The following AVEN variants were observed in gnomAD, a reference collection of about 807,000 sequenced individuals.
AVEN encodes cell death regulator Aven.
Under a neutral mutation model 38.1 loss-of-function variants are expected in AVEN, and 41 were observed. That is an observed-to-expected ratio of 1.08 (90% confidence interval 0.84 to 1.40). The LOEUF is 1.40. Ranked by LOEUF, AVEN falls within the 40% of genes most tolerant of loss-of-function variation. AVEN has a pLI of 0.00. For synonymous variants in AVEN, 206 were observed against 171.8 expected (o/e 1.20, Z -1.56); for missense variants, 605 against 438.8 (o/e 1.38, Z -3.38).
chr15:33,862,876 C>T (rs1888909506), downstream of AVEN, among the ~76,000 whole-genome samples: 1 of 152,208 alleles, frequency 6.6e-6, no homozygotes. Flanking sequence ...CTCAGCCTCC[C>T]AAAGTGCTGG....
chr15:33,869,061 T>A (rs1890824793), intron 4 of AVEN, among the ~76,000 whole-genome samples: 1 of 152,106 alleles, frequency 6.6e-6, no homozygotes, highest in East Asian at 1.9e-4. Flanking sequence ...TACATAAACA[T>A]CCTGAGCAGA....
chr15:33,927,664 T>C (rs1567417515), intron 2 of AVEN, among the ~76,000 whole-genome samples: 1 of 152,118 alleles, frequency 6.6e-6, no homozygotes, highest in Non-Finnish European at 1.5e-5. Flanking sequence ...CATGTTTCTG[T>C]AGAATTTGGA....
intron 2 of AVEN, among the ~76,000 whole-genome samples, chr15:34,067,639 G>A (rs574835582): frequency 6.6e-5 from 10 of 152,254 alleles, no homozygotes; most frequent in African/African-American, 2.2e-4. Flanking sequence ...TTCCCTCTAA[G>A]TTACCAATGA....
At chr15:33,956,841 C>T (rs192799676) in intron 2 of AVEN, among the ~76,000 whole-genome samples, 5 of 152,292 alleles carry the variant, frequency 3.3e-5, no homozygotes, top group Admixed American at 3.3e-4. Flanking sequence ...CATCCTGATA[C>T]GAGGTTTGAA....
chr15:33,978,663 A>AAAAT (rs1211263683), intron 2 of AVEN, among the ~76,000 whole-genome samples: 34 of 152,080 alleles, frequency 2.2e-4, no homozygotes, highest in South Asian at 4.2e-4. Flanking sequence ...ACTCTGTTTC[A>AAAAT]AAATAAATAA....
chr15:34,044,662 A>G (rs1899618949), intron 5 of AVEN, among the ~76,000 whole-genome samples: 1 of 152,182 alleles, frequency 6.6e-6, no homozygotes, highest in Non-Finnish European at 1.5e-5. Context: ...AGCCAACCCC[A>G]TAGCCTGTGG....
At chr15:33,950,969 C>T (rs2140449603) in intron 2 of AVEN, among the ~76,000 whole-genome samples, 1 of 151,792 alleles carries the variant, frequency 6.6e-6, no homozygotes, top group African/African-American at 2.4e-5. Context: ...GATTGCACCA[C>T]TGCACTGCAG....
intron 1 of AVEN, among the ~76,000 whole-genome samples, chr15:34,008,949 C>T (rs112524610): frequency 0.016 from 338 of 21,124 alleles, 1 homozygote; most frequent in Non-Finnish European, 0.098. Context: ...CACACGTGCG[C>T]GCGCGCACAC....
intron 2 of AVEN, among the ~76,000 whole-genome samples, chr15:33,957,723 G>GAA (rs58208633): frequency 2.4e-3 from 346 of 142,672 alleles, no homozygotes; most frequent in African/African-American, 8.2e-3. Flanking sequence ...TATATTGTAT[G>GAA]AAAAAAAAAA....
At chr15:33,934,765 A>G (rs1418685383) in intron 2 of AVEN, among the ~76,000 whole-genome samples, 1 of 152,220 alleles carries the variant, frequency 6.6e-6, no homozygotes, top group Admixed American at 6.5e-5. Context: ...AGTGAAAAGT[A>G]TATGGGCTAC....
intron 2 of AVEN, among the ~76,000 whole-genome samples, chr15:33,967,284 TCTCA>T (rs1895426521): frequency 6.6e-6 from 1 of 152,092 alleles, no homozygotes; most frequent in South Asian, 2.1e-4. Context: ...TTGTCTGGAT[TCTCA>T]CTCAGAAAAA....
At chr15:33,934,756 G>T (rs577192132) in intron 2 of AVEN, among the ~76,000 whole-genome samples, 1 of 152,298 alleles carries the variant, frequency 6.6e-6, no homozygotes, top group East Asian at 1.9e-4. Context: ...AAGTAACTTA[G>T]TGAAAAGTAT....
chr15:33,868,631 G>C (rs992572130), intron 4 of AVEN, among the ~76,000 whole-genome samples: 4 of 151,340 alleles, frequency 2.6e-5, no homozygotes, highest in African/African-American at 4.9e-5. Context: ...TAATATAAAG[G>C]TGCAGTAACA....
Position 34,063,100 on chromosome 15 carries a change from G to A in AVEN, n.1459C>T, listed in dbSNP as rs752179210. 10 of 1,613,992 alleles carry A rather than the reference G, an allele frequency of 6.2e-6. No homozygotes were observed. Among genetic ancestry groups the A allele is most frequent in the South Asian group, 1.1e-5 (1 of 91,080 alleles). The stretch of plus-strand genomic sequence containing the variant: ...AACCTTCTGGTGATCAGTTTTGACC[G>A]TTACTTTTCCATCACAAGACCCTTG... On this transcript the variant is annotated non_coding_transcript_exon_variant, in exon 5 of 12. Transcript: ENST00000675287. This position sits in a 1 kb window ranked among gnomAD's most constrained non-coding sequence, Gnocchi z 4.1.
chr15:34,025,764 G>T (rs1762810271), intron 1 of AVEN, among the ~76,000 whole-genome samples: 1 of 152,108 alleles, frequency 6.6e-6, no homozygotes, highest in Admixed American at 6.5e-5. Context: ...TTGCGTGTGT[G>T]TGTGTGTTTG....
intron 1 of AVEN, among the ~76,000 whole-genome samples, chr15:34,073,932 G>A (rs1900682026): frequency 6.6e-6 from 1 of 150,530 alleles, no homozygotes; most frequent in Non-Finnish European, 1.5e-5. Flanking sequence ...TATTTCCATC[G>A]GAATTCTTGA....
intron 2 of AVEN, among the ~76,000 whole-genome samples, chr15:33,904,726 C>CACACACACACAT (rs746434314): frequency 7.3e-4 from 109 of 149,784 alleles, no homozygotes; most frequent in African/African-American, 2.7e-3. Context: ...TACACACACA[C>CACACACACACAT]ACGAATATGC....
chr15:33,869,748 C>T (rs1416838765), intron 4 of AVEN, among the ~76,000 whole-genome samples: 1 of 152,064 alleles, frequency 6.6e-6, no homozygotes, highest in Non-Finnish European at 1.5e-5. Flanking sequence ...AGCTTAGCAT[C>T]ACATTCACCC....
rs796166396 is a variant in AVEN, at chr15:33,917,247, CA to C, written c.446-41253del. Among the ~76,000 whole-genome samples, 21 of 151,856 alleles carry C rather than the reference CA, an allele frequency of 1.4e-4. 1 individual carries two copies. Among genetic ancestry groups the C allele is most frequent in the African/African-American group, 4.8e-4 (20 of 41,384 alleles). ...TCTACCCAGAGGAAAAGTAATCATA[CA>C]AAAAAGATACTTGCACATACGTTTG... On this transcript the variant is annotated intron_variant, in intron 2 of 5. Transcript: ENST00000306730.
Sources: allele counts gnomAD v4.1 joint callset (sites outside exome capture counted in the v4.1 genomes callset), GRCh38; gene constraint gnomAD v4.1.1; non-coding constraint Gnocchi (gnomAD v3.1); transcripts MANE v1.5; gene names NCBI Gene and HGNC (gene_info 2026-07-23, HGNC 2026-07-21).